The following DOCK4 variants were observed in gnomAD, a reference collection of about 807,000 sequenced individuals.
DOCK4 encodes the protein dedicator of cytokinesis protein 4.
Under a neutral mutation model 268.1 loss-of-function variants are expected in DOCK4, and 97 were observed. That is an observed-to-expected ratio of 0.36 (90% CI 0.31 to 0.43). DOCK4 has a LOEUF of 0.43. DOCK4 is among the 20% of genes least tolerant of loss of function. The pLI is 1.00. For missense variants in DOCK4, 2,145 were observed against 2,455.7 expected (o/e 0.87, Z 2.67); for synonymous variants, 954 against 887.2 (o/e 1.08, Z -1.34).
rs562178573 is a variant in DOCK4 at position 111,727,516 on chromosome 7, G to A, written c.*758C>T. On this transcript the variant is annotated 3_prime_UTR_variant, in exon 53 of 53. Transcript: ENST00000428084. ...ATAGGAAACTATCAAGAAAGGAAGC[G>A]CAAAATTCAAGTAAACATTTCTTCT... 1.3e-5 allele frequency: 2 copies of A among 152,648 alleles called. No homozygotes were observed. The highest frequency in any genetic ancestry group is 6.5e-5 in the Admixed American group (1 of 15,274). The allele number at this position is 152,648 out of a possible 1,614,324, so 9.5% of individuals were successfully genotyped here. A position where few individuals can be genotyped will look rare whatever the true frequency, so the allele number is the denominator to read the frequency against.
At chr7:111,964,910 T>C (rs1297750227) in intron 8 of DOCK4, among the ~76,000 whole-genome samples, 6 of 123,066 alleles carry the variant, frequency 4.9e-5, no homozygotes, top group East Asian at 2.5e-4. Context: ...TCAACGTTCT[T>C]AAAGAAAAGA....
chr7:111,883,133 T>C (rs187122153), intron 16 of DOCK4, among the ~76,000 whole-genome samples: 67 of 152,262 alleles, frequency 4.4e-4, no homozygotes, highest in African/African-American at 1.6e-3. Context: ...AACATACATA[T>C]ATGGTTTAAA....
At chr7:112,081,205 T>G (rs184306558) in intron 1 of DOCK4, among the ~76,000 whole-genome samples, 2 of 152,040 alleles carry the variant, frequency 1.3e-5, no homozygotes, top group Non-Finnish European at 2.9e-5. Flanking sequence ...GCGAATCCTG[T>G]GGGCAATTCA....
chr7:111,901,391 T>C (rs1672206192), intron 14 of DOCK4, among the ~76,000 whole-genome samples: 1 of 151,046 alleles, frequency 6.6e-6, no homozygotes, highest in African/African-American at 2.4e-5. Flanking sequence ...AAGAAAATTA[T>C]TGACACAATG....
chr7:111,833,473 G>A (rs1803002178), intron 26 of DOCK4, among the ~76,000 whole-genome samples: 1 of 151,908 alleles, frequency 6.6e-6, no homozygotes, highest in African/African-American at 2.4e-5. Context: ...GAGCCTAGGA[G>A]TTTCAGGATG....
chr7:111,736,682 T>A (rs1795510742), intron 50 of DOCK4, among the ~76,000 whole-genome samples: 1 of 152,226 alleles, frequency 6.6e-6, no homozygotes, highest in South Asian at 2.1e-4. Context: ...CAAAAAGCCA[T>A]TAAACATAGG....
intron 13 of DOCK4, among the ~76,000 whole-genome samples, chr7:111,906,182 G>A (rs1339459430): frequency 2.0e-5 from 3 of 152,066 alleles, no homozygotes; most frequent in Non-Finnish European, 2.9e-5. Context: ...GAGCAAGGAA[G>A]GTAGTAGTCC....
intron 1 of DOCK4, among the ~76,000 whole-genome samples, chr7:112,082,213 G>A (rs1470753584): frequency 6.6e-6 from 1 of 152,098 alleles, no homozygotes; most frequent in Non-Finnish European, 1.5e-5. Context: ...TGACTGGAGA[G>A]GAAATCTATG....
At chr7:111,808,226 T>C (rs1800820981) in intron 30 of DOCK4, 1 of 152,186 alleles carries the variant, frequency 6.6e-6, no homozygotes, top group African/African-American at 2.4e-5. Context: ...TTAAAACAAT[T>C]TGTTTTCCAA....
intron 1 of DOCK4, among the ~76,000 whole-genome samples, chr7:112,055,355 C>T (rs1035149392): frequency 5.3e-5 from 8 of 152,146 alleles, no homozygotes; most frequent in African/African-American, 1.9e-4. Context: ...GGTGCACTCG[C>T]ATACCCCCAC....
At chr7:111,824,747 G>T (rs1802267529) in intron 26 of DOCK4, among the ~76,000 whole-genome samples, 1 of 152,122 alleles carries the variant, frequency 6.6e-6, no homozygotes, top group Admixed American at 6.5e-5. Flanking sequence ...GAAGGAGTTG[G>T]GGATAGATGA....
intron 1 of DOCK4, among the ~76,000 whole-genome samples, chr7:112,061,829 G>A (rs931354777): frequency 6.6e-6 from 1 of 151,348 alleles, no homozygotes; most frequent in African/African-American, 2.4e-5. Flanking sequence ...TTTGCTGGAG[G>A]AATTCCCAGT....
chr7:111,992,494 C>T (rs781036797), intron 5 of DOCK4, among the ~76,000 whole-genome samples: 1 of 152,170 alleles, frequency 6.6e-6, no homozygotes, highest in Non-Finnish European at 1.5e-5. Context: ...GCACTGACTA[C>T]CATTCCAGTG....
At chr7:111,870,889 C>A (rs1806368369) in intron 20 of DOCK4, among the ~76,000 whole-genome samples, 1 of 152,170 alleles carries the variant, frequency 6.6e-6, no homozygotes, top group Admixed American at 6.5e-5. Flanking sequence ...GCAGTAACCT[C>A]CTCACACTAG....
rs1424733411 is a variant in DOCK4, at chr7:112,066,720, T to TCC, written c.38-62590_38-62589insGG. Among the ~76,000 whole-genome samples the TCC allele has an allele frequency of 4.6e-4, 47 of 102,696 alleles. 3 individuals carry two copies. Among genetic ancestry groups the TCC allele is most frequent in the African/African-American group, 1.7e-3 (44 of 25,886 alleles). 67.4% of individuals were successfully genotyped at this position (102,696 alleles called of 152,430 possible). A position where few individuals can be genotyped will look rare whatever the true frequency, so the allele number is the denominator to read the frequency against. On this transcript the variant is annotated intron_variant, in intron 1 of 52. Transcript: ENST00000428084. ...ATATATATATATATATATATATATATATATATATATATATATATATATCTC... is the reference window on the plus strand; with the variant it reads ...ATATATATATATATATATATATATATCCATATATATATATATATATATATCTC...
intron 1 of DOCK4, among the ~76,000 whole-genome samples, chr7:112,189,757 T>TTG: frequency 6.8e-6 from 1 of 146,104 alleles, no homozygotes; most frequent in Non-Finnish European, 1.5e-5. Context: ...TTTTTTTTTT[T>TTG]TTTTTTTTTT....
At chr7:112,196,213 G>A (rs1037880213) in intron 1 of DOCK4, among the ~76,000 whole-genome samples, 2 of 152,146 alleles carry the variant, frequency 1.3e-5, no homozygotes, top group African/African-American at 2.4e-5. Context: ...TCAGATCTGC[G>A]TTCAAGGCTA....
intron 1 of DOCK4, among the ~76,000 whole-genome samples, chr7:112,045,288 T>C (rs761520686): frequency 6.6e-6 from 1 of 152,214 alleles, no homozygotes; most frequent in Non-Finnish European, 1.5e-5. Flanking sequence ...TTGGCTCAAA[T>C]GTCACCTTAC....
chr7:112,199,955 A>G (rs1031829141), intron 1 of DOCK4, among the ~76,000 whole-genome samples: 3 of 152,246 alleles, frequency 2.0e-5, no homozygotes, highest in Non-Finnish European at 4.4e-5. Context: ...ACTACAGAAG[A>G]CAGACTTTGA....
Sources: gnomAD v4.1 joint callset for allele counts (sites outside exome capture counted in the v4.1 genomes callset) on GRCh38, gnomAD v4.1.1 for gene constraint, MANE v1.5 for transcripts, NCBI Gene and HGNC (gene_info 2026-07-23, HGNC 2026-07-21) for gene names.